TBC1D32: variants seen among roughly 807,000 people sequenced by gnomAD.
TBC1D32 encodes protein broad-minded.
A neutral mutation model predicts 170.3 loss-of-function variants in TBC1D32; 151 were observed. That is an observed-to-expected ratio of 0.89 (90% confidence interval 0.78 to 1.01). The LOEUF (loss-of-function observed/expected upper bound fraction) is 1.01. Among genes scored for constraint, TBC1D32 ranks in the 50% least tolerant of loss-of-function variants. The pLI is 0.00. For missense variants in TBC1D32, 1,464 were observed against 1,457.1 expected (o/e 1.00, Z -0.08); for synonymous variants, 498 against 488.0 (o/e 1.02, Z -0.27).
chr6:121,329,657 A>T (rs947326412), intron 1 of TBC1D32, among the ~76,000 whole-genome samples: 2 of 152,066 alleles, frequency 1.3e-5, no homozygotes, highest in African/African-American at 4.8e-5. Context: ...CGTCTCAAAA[A>T]AAATAAATAA....
rs3076852 is a variant in TBC1D32, at chr6:121,198,245, A to T, written c.2570+6830T>A. Among the ~76,000 whole-genome samples, 77 of 110,186 alleles carry T rather than the reference A, an allele frequency of 7.0e-4. 1 individual carries two copies. Among genetic ancestry groups the T allele is most frequent in the East Asian group, 5.7e-3 (22 of 3,838 alleles). The allele number at this position is 110,186 out of a possible 152,430, so 72.3% of individuals were successfully genotyped here. Reference sequence around the variant, plus strand: ...GTGTATAATATATATAAATATATATATTATATATATATATAATATATATAT... The same window carrying T: ...GTGTATAATATATATAAATATATATTTTATATATATATATAATATATATAT... On this transcript the variant is annotated intron_variant, in intron 22 of 31. Coordinates refer to ENST00000398212, the MANE Select transcript of TBC1D32 (RefSeq NM_152730.6).
At chr6:121,257,990 A>G (rs556413301) in intron 15 of TBC1D32, among the ~76,000 whole-genome samples, 1 of 152,288 alleles carries the variant, frequency 6.6e-6, no homozygotes, top group African/African-American at 2.4e-5. Context: ...AGCTCACAGT[A>G]AAGTAGTTGC....
chr6:121,154,311 T>G (rs919392925), intron 24 of TBC1D32, among the ~76,000 whole-genome samples: 5 of 152,156 alleles, frequency 3.3e-5, no homozygotes, highest in African/African-American at 1.2e-4. Flanking sequence ...TCACCCTCCG[T>G]GGGCTTCACC....
At chr6:121,176,078 G>A (rs1263712377) in intron 22 of TBC1D32, among the ~76,000 whole-genome samples, 1 of 152,084 alleles carries the variant, frequency 6.6e-6, no homozygotes, top group Non-Finnish European at 1.5e-5. Context: ...TAAATAGTAG[G>A]GGAAGGGAAC....
chr6:121,241,229 G>A (rs1295263578), intron 19 of TBC1D32, among the ~76,000 whole-genome samples: 3 of 152,088 alleles, frequency 2.0e-5, no homozygotes, highest in East Asian at 1.9e-4. Flanking sequence ...CCATTGGTCC[G>A]AGGCAACAGA....
At chr6:121,105,495 A>G (rs1187513066) in intron 30 of TBC1D32, among the ~76,000 whole-genome samples, 3 of 151,872 alleles carry the variant, frequency 2.0e-5, no homozygotes, top group Non-Finnish European at 4.4e-5. Flanking sequence ...AACAATGCAC[A>G]CCTCCACCAA....
At chr6:121,144,751 T>A (rs1783202463) in intron 24 of TBC1D32, among the ~76,000 whole-genome samples, 1 of 152,092 alleles carries the variant, frequency 6.6e-6, no homozygotes, top group African/African-American at 2.4e-5. Context: ...TTGGATAGTA[T>A]TTCAGTCATG....
At chr6:121,303,195 A>G (rs1409417034) in intron 9 of TBC1D32, among the ~76,000 whole-genome samples, 5 of 152,200 alleles carry the variant, frequency 3.3e-5, no homozygotes, top group Non-Finnish European at 1.5e-5. Context: ...GTTCAGGAGG[A>G]AGGCAAATGA....
chr6:121,197,885 A>G (rs983060400), intron 22 of TBC1D32, among the ~76,000 whole-genome samples: 1 of 152,210 alleles, frequency 6.6e-6, no homozygotes, highest in Admixed American at 6.5e-5. Flanking sequence ...TGAGCTGAGG[A>G]AGGCAGACCC....
intron 21 of TBC1D32, among the ~76,000 whole-genome samples, chr6:121,214,386 T>C (rs1793546095): frequency 6.6e-6 from 1 of 152,132 alleles, no homozygotes; most frequent in African/African-American, 2.4e-5. Context: ...CCAGATCCCA[T>C]GCCTGCCCAG....
intron 24 of TBC1D32, among the ~76,000 whole-genome samples, chr6:121,142,774 GT>G (rs1782956346): frequency 6.6e-6 from 1 of 152,148 alleles, no homozygotes; most frequent in Non-Finnish European, 1.5e-5. Context: ...ACATAGTAGA[GT>G]GGACTAGCCA....
intron 24 of TBC1D32, among the ~76,000 whole-genome samples, chr6:121,157,177 G>A (rs1330680643): frequency 6.6e-6 from 1 of 152,122 alleles, no homozygotes. Flanking sequence ...CTTGTTTTGT[G>A]AATCTGAGTG....
Position 121,307,669 on chromosome 6 carries a change from G to A in TBC1D32, c.690+307C>T, listed in dbSNP as rs556014716. ...GAGGTCAGGAGTTCGAGACCAGCCC[G>A]GCCAACATGGTCAAACCGCATCTCT... On this transcript the variant is annotated intron_variant, in intron 5 of 31. Coordinates refer to ENST00000398212, the MANE Select transcript of TBC1D32 (RefSeq NM_152730.6). 5.3e-5 allele frequency among the ~76,000 whole-genome samples: 8 copies of A among 152,188 alleles called. No homozygotes were observed. In the East Asian group the frequency reaches 5.8e-4, roughly 11 times the overall value.
At chr6:121,277,797 A>G (rs1302041461) in intron 15 of TBC1D32, among the ~76,000 whole-genome samples, 2 of 151,856 alleles carry the variant, frequency 1.3e-5, no homozygotes, top group Non-Finnish European at 2.9e-5. Context: ...CATGAAATCA[A>G]TAGAGAAAAA....
chr6:121,253,198 C>T (rs1168443429), intron 17 of TBC1D32, among the ~76,000 whole-genome samples: 1 of 152,086 alleles, frequency 6.6e-6, no homozygotes, highest in Non-Finnish European at 1.5e-5. Flanking sequence ...ACAAACTATG[C>T]AATGTCTAAC....
At chr6:121,286,964 T>C (rs1219017008) in intron 12 of TBC1D32, among the ~76,000 whole-genome samples, 1 of 152,150 alleles carries the variant, frequency 6.6e-6, no homozygotes, top group Admixed American at 6.6e-5. Flanking sequence ...AGAGATTTTG[T>C]CACCACCAGG....
chr6:121,251,833 T>C (rs1222399819), intron 17 of TBC1D32, among the ~76,000 whole-genome samples: 2 of 152,142 alleles, frequency 1.3e-5, no homozygotes, highest in African/African-American at 4.8e-5. Context: ...ATCCAGAATC[T>C]ATAAGCAACT....
At chr6:121,126,513 A>G (rs775832369) in intron 25 of TBC1D32, 52 bp from the exon 26 acceptor site, 1 of 1,307,758 alleles carries the variant, frequency 7.6e-7, no homozygotes, top group African/African-American at 1.5e-5. Flanking sequence ...ATAATATGTG[A>G]CAATGCATCC....
intron 29 of TBC1D32, among the ~76,000 whole-genome samples, chr6:121,108,563 C>G (rs1582807208): frequency 6.6e-6 from 1 of 151,808 alleles, no homozygotes; most frequent in Admixed American, 6.6e-5. Flanking sequence ...CTTTGAGATC[C>G]TAGAAAGTGA....
Sources: gnomAD v4.1 joint callset for allele counts (sites outside exome capture counted in the v4.1 genomes callset) on GRCh38, gnomAD v4.1.1 for gene constraint, MANE v1.5 for transcripts, NCBI Gene and HGNC (gene_info 2026-07-23, HGNC 2026-07-21) for gene names.